PITPNB: variants seen among roughly 807,000 people sequenced by gnomAD.
PITPNB encodes phosphatidylinositol transfer protein beta isoform.
A neutral mutation model predicts 45.9 loss-of-function variants in PITPNB; 16 were observed. The observed-to-expected ratio is 0.35, with a 90% CI of 0.24 to 0.53. The LOEUF is 0.53. Ranked by LOEUF, PITPNB falls within the 20% of genes least tolerant of loss-of-function variation. The pLI, the probability that PITPNB is intolerant of heterozygous loss-of-function variation, is 0.93. For missense variants in PITPNB, 188 were observed against 330.5 expected, an observed-to-expected ratio of 0.57 and a Z score of 3.34; for synonymous variants, 112 against 108.9, an observed-to-expected ratio of 1.03 and a Z score of -0.18.
intron 10 of PITPNB, among the ~76,000 whole-genome samples, chr22:27,856,157 G>C (rs1934165987): frequency 6.6e-6 from 1 of 152,218 alleles, no homozygotes; most frequent in Admixed American, 6.5e-5. Context: ...ATGTTTTTGA[G>C]ATATTTGACA....
In PITPNB at chr22:27,911,779, C is replaced by T. The variant is rs142567910; in HGVS notation, c.52-670G>A. 6.8e-3 allele frequency among the ~76,000 whole-genome samples: 1,030 copies of T among 152,258 alleles called. 7 individuals carry two copies. Among genetic ancestry groups the T allele is most frequent in the African/African-American group, 0.023 (935 of 41,554 alleles). ...ATTGTGAGTCCTCAAGTAAAGAGAACAAACAGAAACTGTTTTTAAAGTAAT... is the reference window on the plus strand; with the variant it reads ...ATTGTGAGTCCTCAAGTAAAGAGAATAAACAGAAACTGTTTTTAAAGTAAT... On this transcript the variant is annotated intron_variant, in intron 2 of 11. Transcript: ENST00000335272.
In PITPNB at chr22:27,901,009, T is replaced by C. The variant is rs1569029263; in HGVS notation, c.198-3117A>G. Among the ~76,000 whole-genome samples, 5 of 152,104 alleles carry C rather than the reference T, an allele frequency of 3.3e-5. No individual in the cohort carries two copies. In the South Asian group the frequency reaches 1.0e-3, roughly 31 times the overall value. ...GGAGATAGGCCTTCAAAAACAAACA[T>C]GCAAAAAAGACAATCCTTCAGTTGT... On this transcript the variant is annotated intron_variant, in intron 3 of 11. Transcript: ENST00000335272.
intron 8 of PITPNB, 126 bp downstream of exon 8, chr22:27,873,612 G>A: frequency 3.1e-6 from 2 of 641,708 alleles, no homozygotes; most frequent in East Asian, 5.6e-5. Context: ...AGTCCTTATC[G>A]CAAATAAAAC....
At position 27,852,982 on chromosome 22, in the gene PITPNB, C is replaced by T. The variant is rs895318990; in HGVS notation, c.*720G>A. On this transcript the variant is annotated 3_prime_UTR_variant, in exon 12 of 12. Transcript: ENST00000335272. ...AAATTTTTTTTAAAAGGATTTTTCC[C>T]TCAGGGCAAACAAGTAAAAACTGGC... is the stretch of plus-strand genomic sequence containing the variant. 2 of 152,482 alleles carry T rather than the reference C, an allele frequency of 1.3e-5. No homozygotes were observed. Among genetic ancestry groups the T allele is most frequent in the African/African-American group, 4.8e-5 (2 of 41,408 alleles). The allele number at this position is 152,482 out of a possible 1,614,324, so 9.4% of individuals were successfully genotyped here.
intron 7 of PITPNB, among the ~76,000 whole-genome samples, chr22:27,891,259 A>G (rs1484900022): frequency 6.6e-6 from 1 of 152,224 alleles, no homozygotes; most frequent in Non-Finnish European, 1.5e-5. Context: ...CCCAATAAAA[A>G]ATAGTTCCTG....
At chr22:27,917,562 A>G (rs1284853781) in intron 1 of PITPNB, among the ~76,000 whole-genome samples, 1 of 152,244 alleles carries the variant, frequency 6.6e-6, no homozygotes, top group Non-Finnish European at 1.5e-5. Context: ...AGTACTATAA[A>G]TAAGCTTTAA....
In PITPNB at chr22:27,893,577, C is replaced by G. The variant is rs1935348223; in HGVS notation, c.456+978G>C. On this transcript the variant is annotated intron_variant, in intron 7 of 11. Coordinates refer to ENST00000335272, the MANE Select transcript of PITPNB (RefSeq NM_012399.5). ...GGATTACAGGCTTGAGCCACCATGTCTAGCCTTTTTTTTTTTTTTTTTTTT... is the reference window on the plus strand; with the variant it reads ...GGATTACAGGCTTGAGCCACCATGTGTAGCCTTTTTTTTTTTTTTTTTTTT... Among the ~76,000 whole-genome samples the G allele has an allele frequency of 2.2e-5, 3 of 133,774 alleles. No homozygotes were observed. The Admixed American group carries it at 2.5e-4, about 11-fold the overall frequency. 87.8% of individuals were successfully genotyped at this position (133,774 alleles called of 152,430 possible).
At chr22:27,892,760 T>C (rs1935316441) in intron 7 of PITPNB, among the ~76,000 whole-genome samples, 1 of 152,176 alleles carries the variant, frequency 6.6e-6, no homozygotes, top group Non-Finnish European at 1.5e-5. Context: ...AAGGTGGAAA[T>C]ATCCCTAAAA....
intron 3 of PITPNB, chr22:27,910,442 C>T (rs1358751487): frequency 6.6e-6 from 1 of 152,462 alleles, no homozygotes; most frequent in East Asian, 1.9e-4. Context: ...TCTAAAATAC[C>T]TAAATGGACT....
intron 9 of PITPNB, among the ~76,000 whole-genome samples, 181 bp downstream of exon 9, chr22:27,859,950 C>T (rs887664171): frequency 4.6e-5 from 7 of 152,200 alleles, no homozygotes; most frequent in African/African-American, 1.4e-4. Context: ...CCCTTAAAAC[C>T]TCTGCTGCCA....
intron 3 of PITPNB, among the ~76,000 whole-genome samples, chr22:27,906,286 T>C (rs747248396): frequency 2.0e-5 from 3 of 152,222 alleles, no homozygotes; most frequent in Non-Finnish European, 2.9e-5. Context: ...GTTTTTGTTC[T>C]GGATGGACTT....
At chr22:27,877,350 G>A (rs1019363479) in intron 7 of PITPNB, among the ~76,000 whole-genome samples, 1 of 152,052 alleles carries the variant, frequency 6.6e-6, no homozygotes, top group African/African-American at 2.4e-5. Context: ...AGGTATATTC[G>A]GATTAGTGTT....
intron 10 of PITPNB, among the ~76,000 whole-genome samples, chr22:27,855,938 C>G (rs1934160473): frequency 6.6e-6 from 1 of 152,198 alleles, no homozygotes; most frequent in Non-Finnish European, 1.5e-5. Context: ...CTTCAGGAGG[C>G]AGGTGCTTTC....
At chr22:27,888,232 C>T (rs1569021136) in intron 7 of PITPNB, among the ~76,000 whole-genome samples, 1 of 152,214 alleles carries the variant, frequency 6.6e-6, no homozygotes. Context: ...AACTCCATCA[C>T]ATGAGTGTGC....
intron 1 of PITPNB, among the ~76,000 whole-genome samples, chr22:27,917,998 G>C (rs902304949): frequency 6.6e-6 from 1 of 152,186 alleles, no homozygotes. Context: ...GGGAACAAAA[G>C]CAGGTGGAAA....
At chr22:27,898,813 T>C (rs2267127) in intron 3 of PITPNB, among the ~76,000 whole-genome samples, 22,981 of 152,180 alleles carry the variant, frequency 0.15, 2,014 homozygotes, top group Admixed American at 0.29. Flanking sequence ...TGCAAGCATA[T>C]GATAATCAGA....
rs561889999 is a variant in PITPNB, at chr22:27,903,240, A to C, written c.198-5348T>G. ...ATCCCAGCACTTTAGGAGGCCGAGG[A>C]GGGTAGATCACCTGAGGTCAGGAGT... On this transcript the variant is annotated intron_variant, in intron 3 of 11. Transcript: ENST00000335272. Among the ~76,000 whole-genome samples, 1,023 of 152,012 alleles carry C rather than the reference A, an allele frequency of 6.7e-3. 7 individuals are homozygous for C. Among genetic ancestry groups the C allele is most frequent in the African/African-American group, 0.022 (928 of 41,440 alleles).
intron 7 of PITPNB, among the ~76,000 whole-genome samples, chr22:27,877,854 G>C (rs776462926): frequency 6.6e-6 from 1 of 152,056 alleles, no homozygotes; most frequent in Non-Finnish European, 1.5e-5. Context: ...ACCATGCATG[G>C]GTTACTAGAG....
intron 2 of PITPNB, among the ~76,000 whole-genome samples, chr22:27,913,039 G>C (rs539884024): frequency 6.9e-6 from 1 of 145,462 alleles, no homozygotes; most frequent in South Asian, 2.2e-4. Context: ...GCCGAGAACA[G>C]TATTTTCAGT....
Sources: gnomAD v4.1 joint callset for allele counts (sites outside exome capture counted in the v4.1 genomes callset) on GRCh38, gnomAD v4.1.1 for gene constraint, MANE v1.5 for transcripts, NCBI Gene and HGNC (gene_info 2026-07-23, HGNC 2026-07-21) for gene names.